Variants in PRKCH observed in about 807,000 individuals in gnomAD.
PRKCH encodes protein kinase C eta type.
PRKCH carries 28 observed loss-of-function variants against 82.5 expected under a neutral mutation model. That is an observed-to-expected ratio of 0.34 (90% CI 0.25 to 0.47). PRKCH has a LOEUF of 0.47. PRKCH is among the 20% of genes least tolerant of loss of function. The pLI is 1.00. For missense variants in PRKCH, 705 were observed against 881.8 expected, an observed-to-expected ratio of 0.80 and a Z score of 2.54; for synonymous variants, 322 against 327.4, an observed-to-expected ratio of 0.98 and a Z score of 0.18.
At chr14:61,502,392 T>C (rs937269418) in intron 10 of PRKCH, among the ~76,000 whole-genome samples, 3 of 152,124 alleles carry the variant, frequency 2.0e-5, no homozygotes, top group African/African-American at 7.2e-5. Flanking sequence ...GGTCTATGGG[T>C]GACAGTTCAA....
chr14:61,374,634 C>T (rs920585753), intron 1 of PRKCH, among the ~76,000 whole-genome samples: 30 of 152,076 alleles, frequency 2.0e-4, no homozygotes, highest in South Asian at 1.0e-3. Context: ...CCCTCTGAAG[C>T]CACAGCCCGA....
intron 1 of PRKCH, chr14:61,327,215 G>T (rs573089334): frequency 9.9e-5 from 43 of 433,552 alleles, no homozygotes; most frequent in African/African-American, 8.3e-4. Flanking sequence ...GTCAGGTGAA[G>T]CAGCCATGTT....
At chr14:61,251,837 T>A (rs4899035) in intron 1 of PRKCH, among the ~76,000 whole-genome samples, 124,797 of 150,216 alleles carry the variant, frequency 0.83, 53,157 homozygotes, top group East Asian at 0.97. Context: ...TAAGGGTCTT[T>A]TTTTTTTTTT....
rs3783799 is a variant in PRKCH at position 61,452,498 on chromosome 14, C to T, written c.833-728C>T. ...TCAGAATTTATTCCAGCTGATAACG[C>T]CTCAGATCCTTCATTGTCCCCAGGC... is the stretch of plus-strand genomic sequence containing the variant. On this transcript the variant is annotated intron_variant, in intron 6 of 13. Coordinates refer to ENST00000332981, the MANE Select transcript of PRKCH (RefSeq NM_006255.5). Among the ~76,000 whole-genome samples the T allele has an allele frequency of 0.019, 2,838 of 152,298 alleles. 185 individuals carry two copies. The East Asian group carries it at 0.26, about 14-fold the overall frequency.
chr14:61,544,758 G>A (rs2043232545), intron 12 of PRKCH: 1 of 152,188 alleles, frequency 6.6e-6, no homozygotes, highest in South Asian at 2.1e-4. Context: ...ATGCTACAAA[G>A]AATAATCTCT....
intron 1 of PRKCH, among the ~76,000 whole-genome samples, chr14:61,345,435 G>A (rs893105342): frequency 2.1e-4 from 32 of 152,150 alleles, no homozygotes; most frequent in Admixed American, 2.0e-3. Flanking sequence ...ATTTGTATAT[G>A]GAGGCAAGGC....
At chr14:61,361,566 C>T (rs1018227672) in intron 1 of PRKCH, among the ~76,000 whole-genome samples, 2 of 152,114 alleles carry the variant, frequency 1.3e-5, no homozygotes, top group Non-Finnish European at 2.9e-5. Flanking sequence ...ATTTTATAGC[C>T]TTTATTGTCC....
chr14:61,318,084 CT>C (rs1233370047), upstream of PRKCH, among the ~76,000 whole-genome samples: 1 of 151,166 alleles, frequency 6.6e-6, no homozygotes, highest in Non-Finnish European at 1.5e-5. Context: ...ATGTTTCTTT[CT>C]TTTTTTGAGA....
At chr14:61,197,183 T>C (rs1450873287) in intron 1 of PRKCH, among the ~76,000 whole-genome samples, 2 of 152,166 alleles carry the variant, frequency 1.3e-5, no homozygotes, top group Non-Finnish European at 2.9e-5. Flanking sequence ...CCCTCACTGA[T>C]TTTCATCTCC....
intron 1 of PRKCH, among the ~76,000 whole-genome samples, chr14:61,378,242 C>T (rs559254910): frequency 4.0e-5 from 5 of 125,028 alleles, no homozygotes; most frequent in East Asian, 2.0e-4. Context: ...TTTTTTGAGA[C>T]AGCATCTCTC....
chr14:61,412,984 G>T (rs1882347413), intron 2 of PRKCH, among the ~76,000 whole-genome samples: 1 of 152,004 alleles, frequency 6.6e-6, no homozygotes, highest in African/African-American at 2.4e-5. Flanking sequence ...TACCTGGACT[G>T]ACCACACTTT....
upstream of PRKCH, among the ~76,000 whole-genome samples, chr14:61,320,293 A>G (rs1327325999): frequency 6.6e-6 from 1 of 152,230 alleles, no homozygotes; most frequent in African/African-American, 2.4e-5. Flanking sequence ...AATGTAATCA[A>G]GTATCTTAAG....
intron 1 of PRKCH, among the ~76,000 whole-genome samples, chr14:61,310,430 C>T (rs546223489): frequency 6.6e-5 from 10 of 152,310 alleles, no homozygotes; most frequent in African/African-American, 1.4e-4. Context: ...CAAAATCCCG[C>T]GGGGCAGTCA....
chr14:61,342,778 A>G (rs1008543148), intron 1 of PRKCH, among the ~76,000 whole-genome samples: 5 of 152,172 alleles, frequency 3.3e-5, no homozygotes, highest in Admixed American at 1.3e-4. Flanking sequence ...GTATCTTAAA[A>G]CCAGGCTCAC....
intron 9 of PRKCH, among the ~76,000 whole-genome samples, chr14:61,475,019 A>G (rs1885669386): frequency 6.6e-6 from 1 of 152,240 alleles, no homozygotes; most frequent in Non-Finnish European, 1.5e-5. Flanking sequence ...ACTATAACCC[A>G]AAATATCTTC....
At chr14:61,503,690 C>G (rs1887016560) in intron 10 of PRKCH, among the ~76,000 whole-genome samples, 1 of 152,104 alleles carries the variant, frequency 6.6e-6, no homozygotes, top group South Asian at 2.1e-4. Flanking sequence ...AATCTTTGTT[C>G]TGTGGCACTG....
At chr14:61,339,037 T>A (rs921212968) in intron 1 of PRKCH, among the ~76,000 whole-genome samples, 1 of 152,162 alleles carries the variant, frequency 6.6e-6, no homozygotes, top group Non-Finnish European at 1.5e-5. Flanking sequence ...AGAAACTGTC[T>A]GAGAGAATTG....
chr14:61,404,045 C>T (rs887717853), intron 2 of PRKCH, among the ~76,000 whole-genome samples: 14 of 152,218 alleles, frequency 9.2e-5, no homozygotes, highest in African/African-American at 3.4e-4. Context: ...GTTTTCCAGG[C>T]CACTTGTGTT....
intron 2 of PRKCH, among the ~76,000 whole-genome samples, chr14:61,423,399 G>C (rs1882959075): frequency 6.6e-6 from 1 of 152,200 alleles, no homozygotes; most frequent in Non-Finnish European, 1.5e-5. Context: ...TACACAGACA[G>C]TTGAATGACT....
Sources: gnomAD v4.1 joint callset for allele counts (sites outside exome capture counted in the v4.1 genomes callset) on GRCh38, gnomAD v4.1.1 for gene constraint, MANE v1.5 for transcripts, NCBI Gene and HGNC (gene_info 2026-07-23, HGNC 2026-07-21) for gene names.